Variants in FLRT1 observed in about 807,000 individuals in gnomAD.
FLRT1 encodes the protein fibronectin leucine rich transmembrane protein 1, also known as leucine-rich repeat transmembrane protein FLRT1.
Under a neutral mutation model 30.9 loss-of-function variants are expected in FLRT1, and 14 were observed. The observed-to-expected ratio is 0.45, with a 90% CI of 0.30 to 0.71. The LOEUF (loss-of-function observed/expected upper bound fraction) is 0.71, where lower values mean the gene tolerates loss of function less well. Ranked by LOEUF, FLRT1 falls within the 30% of genes least tolerant of loss-of-function variation. FLRT1 has a pLI of 0.08. For missense variants in FLRT1, 737 were observed against 949.2 expected (o/e 0.78, Z 2.94); for synonymous variants, 368 against 430.4 (o/e 0.85, Z 1.80).
intron 1 of FLRT1, among the ~76,000 whole-genome samples, chr11:64,076,973 A>T (rs1300832227): frequency 6.6e-6 from 1 of 152,044 alleles, no homozygotes; most frequent in Non-Finnish European, 1.5e-5. Context: ...ACCTCCTAAA[A>T]ATAGGGCTGA....
chr11:64,077,523 C>T (rs757784257), intron 1 of FLRT1, among the ~76,000 whole-genome samples: 3 of 151,968 alleles, frequency 2.0e-5, no homozygotes, highest in East Asian at 3.9e-4. Context: ...GGCTGCAGGC[C>T]GCATGTGGGA....
intron 1 of FLRT1, among the ~76,000 whole-genome samples, chr11:64,075,468 C>T (rs1944183939): frequency 1.3e-5 from 2 of 152,262 alleles, no homozygotes; most frequent in African/African-American, 2.4e-5. Context: ...GGCTAAATAA[C>T]TTCCCCAAAG....
At chr11:64,071,495 G>C (rs1944106774) in intron 1 of FLRT1, among the ~76,000 whole-genome samples, 1 of 152,172 alleles carries the variant, frequency 6.6e-6, no homozygotes. Flanking sequence ...TGTCCCCTTG[G>C]CCAGCTCGCC....
rs1219727098 is a variant in FLRT1, at chr11:64,036,895, G to C, written c.-1038+736G>C. Among the ~76,000 whole-genome samples the C allele has an allele frequency of 1.3e-5, 2 of 152,200 alleles. No individual in the cohort carries two copies. Among genetic ancestry groups the C allele is most frequent in the Non-Finnish European group, 2.9e-5 (2 of 68,034 alleles). On this transcript the variant is annotated intron_variant, in intron 1 of 2. Coordinates refer to ENST00000682287, the MANE Select transcript of FLRT1 (RefSeq NM_013280.5). The surrounding 1 kb of genome is among the most constrained non-coding windows in gnomAD (Gnocchi z 5.6). ...TCCTCGCGGGCACTGGAGACCCCGG[G>C]GAGGAAGGCTGGGGAGTGTTGTCGC...
intron 1 of FLRT1, among the ~76,000 whole-genome samples, chr11:64,040,817 G>C (rs1380522621): frequency 5.9e-5 from 9 of 152,062 alleles, no homozygotes; most frequent in African/African-American, 2.2e-4. Flanking sequence ...CTGTGTCCTG[G>C]AGGGCCCCGG....
intron 1 of FLRT1, among the ~76,000 whole-genome samples, chr11:64,066,967 A>T (rs1214655467): frequency 6.6e-6 from 1 of 152,208 alleles, no homozygotes; most frequent in Non-Finnish European, 1.5e-5. Flanking sequence ...GGAGGGTCAC[A>T]CAGAGCCCAG....
At position 64,090,836 on chromosome 11, in the gene FLRT1, T is replaced by C. The variant is rs1428003159; in HGVS notation, c.-1037-12358T>C. Among the ~76,000 whole-genome samples, 1 of 151,628 alleles carries C rather than the reference T, an allele frequency of 6.6e-6. No individual in the cohort carries two copies. Among genetic ancestry groups the C allele is most frequent in the African/African-American group, 2.4e-5 (1 of 41,200 alleles). ...CTGCAGAAGCAGAGCCCGAGTCGGG[T>C]CCAGCCCTGCACTCCCAGGGAGCCC... is the stretch of plus-strand genomic sequence containing the variant. On this transcript the variant is annotated intron_variant, in intron 1 of 2. Coordinates refer to ENST00000682287, the MANE Select transcript of FLRT1 (RefSeq NM_013280.5). The surrounding 1 kb of genome is among the most constrained non-coding windows in gnomAD (Gnocchi z 4.7).
intron 1 of FLRT1, among the ~76,000 whole-genome samples, chr11:64,040,221 G>A (rs73498122): frequency 9.8e-4 from 149 of 152,166 alleles, no homozygotes; most frequent in African/African-American, 3.3e-3. Flanking sequence ...CTCTGAAGGC[G>A]CAAAGTGGTG....
intron 1 of FLRT1, among the ~76,000 whole-genome samples, chr11:64,080,060 T>G (rs1944275737): frequency 6.6e-6 from 1 of 152,214 alleles, no homozygotes; most frequent in South Asian, 2.1e-4. Flanking sequence ...TCGCCCAGGC[T>G]GGAGTGCAAT....
intron 1 of FLRT1, among the ~76,000 whole-genome samples, chr11:64,086,353 T>A (rs754712646): frequency 3.3e-5 from 5 of 151,994 alleles, no homozygotes; most frequent in Non-Finnish European, 5.9e-5. Flanking sequence ...CCTGTGAATC[T>A]TACATATGCA....
intron 1 of FLRT1, among the ~76,000 whole-genome samples, chr11:64,068,466 G>A (rs1395794449): frequency 2.0e-5 from 3 of 152,234 alleles, no homozygotes; most frequent in Admixed American, 1.3e-4. Context: ...GCACGGTAAG[G>A]GCTGGCACAG....
In FLRT1 at chr11:64,118,599, T is replaced by C. The variant is rs1446655323; in HGVS notation, c.*307T>C. 1.7e-5 allele frequency: 5 copies of C among 299,898 alleles called. 1 individual carries two copies. The highest frequency in any genetic ancestry group is 2.6e-5 in the Non-Finnish European group (4 of 151,276). The allele number at this position is 299,898 out of a possible 1,614,324, so 18.6% of individuals were successfully genotyped here. A position where few individuals can be genotyped will look rare whatever the true frequency, so the allele number is the denominator to read the frequency against. On this transcript the variant is annotated 3_prime_UTR_variant, in exon 3 of 3. Transcript: ENST00000682287. The stretch of plus-strand genomic sequence containing the variant: ...TGCAGGCAGGGCTGGGTTGGGTTTT[T>C]TTTTTTTCCCCCCTGAACTGGAAGG...
At chr11:64,101,769 G>A (rs1944675668) in intron 1 of FLRT1, among the ~76,000 whole-genome samples, 1 of 152,154 alleles carries the variant, frequency 6.6e-6, no homozygotes, top group Non-Finnish European at 1.5e-5. Flanking sequence ...TCCAGGGCCT[G>A]TGCCCCACCT....
chr11:64,112,644 G>A (rs1157617450), intron 2 of FLRT1, among the ~76,000 whole-genome samples: 1 of 152,228 alleles, frequency 6.6e-6, no homozygotes, highest in Non-Finnish European at 1.5e-5. Context: ...GGGTGCCCAG[G>A]AAAGGCCTCA....
rs1222922510 is a variant in FLRT1, at chr11:64,087,362, C to A, written c.-1037-15832C>A. 2.3e-4 allele frequency among the ~76,000 whole-genome samples: 35 copies of A among 152,160 alleles called. 1 individual carries two copies. Among genetic ancestry groups the A allele is most frequent in the Non-Finnish European group, 1.5e-5 (1 of 68,006 alleles). ...CCCCAACCCTGCCACCCCTGCCACC[C>A]CTGCCACGGCTGTAGCCCTGACCAC... On this transcript the variant is annotated intron_variant, in intron 1 of 2. Coordinates refer to ENST00000682287, the MANE Select transcript of FLRT1 (RefSeq NM_013280.5).
Position 64,117,179 on chromosome 11 carries a change from C to T in FLRT1, c.912C>T (p.Asn304=). 1 of 1,614,078 alleles carries T rather than the reference C, an allele frequency of 6.2e-7. No homozygotes were observed. Among genetic ancestry groups the T allele is most frequent in the Non-Finnish European group, 8.5e-7 (1 of 1,180,014 alleles). ...TGGAGCGGCTGGACCTGTCCAACAACAACCTGACCACGCTGCCCCGCGGCC... is the reference window on the plus strand; with the variant it reads ...TGGAGCGGCTGGACCTGTCCAACAATAACCTGACCACGCTGCCCCGCGGCC... ...RELERLDLSN[N]NLTTLPRGLF... is the part of the protein sequence containing the mutation. The change falls in exon 3 of 3, where the codon AAC becomes AAT. Residue 304 remains asparagine, a synonymous_variant. Transcript: ENST00000682287.
intron 1 of FLRT1, among the ~76,000 whole-genome samples, chr11:64,038,979 A>T (rs1265576488): frequency 6.6e-6 from 1 of 152,052 alleles, no homozygotes. Flanking sequence ...GTTCATGCCT[A>T]GCAATGTGGG....
At chr11:64,076,488 G>A (rs1049672508) in intron 1 of FLRT1, among the ~76,000 whole-genome samples, 5 of 152,266 alleles carry the variant, frequency 3.3e-5, no homozygotes, top group Admixed American at 6.5e-5. Flanking sequence ...ATGGATGGAC[G>A]GATGATGTCT....
chr11:64,061,330 C>T (rs534695992), intron 1 of FLRT1, among the ~76,000 whole-genome samples: 1 of 152,330 alleles, frequency 6.6e-6, no homozygotes, highest in African/African-American at 2.4e-5. Context: ...CACGCTGAGC[C>T]TCCGCCCCCA....
Sources: allele counts gnomAD v4.1 joint callset (sites outside exome capture counted in the v4.1 genomes callset), GRCh38; gene constraint gnomAD v4.1.1; non-coding constraint Gnocchi (gnomAD v3.1); transcripts MANE v1.5; gene names NCBI Gene and HGNC (gene_info 2026-07-23, HGNC 2026-07-21).